The following AKAP6 variants were observed in gnomAD, a reference collection of about 807,000 sequenced individuals.
AKAP6 encodes A-kinase anchoring protein 6, also known as A-kinase anchor protein 6.
A neutral mutation model predicts 188.5 loss-of-function variants in AKAP6; 58 were observed. The observed-to-expected ratio is 0.31, with a 90% confidence interval of 0.25 to 0.38. The LOEUF is 0.38. AKAP6 is among the 10% of genes least tolerant of loss of function. The pLI, the probability that AKAP6 is intolerant of heterozygous loss-of-function variation, is 1.00. For synonymous variants in AKAP6, 989 were observed against 998.6 expected, an observed-to-expected ratio of 0.99 and a Z score of 0.18; for missense variants, 2,710 against 2,740.0, an observed-to-expected ratio of 0.99 and a Z score of 0.24.
chr14:32,396,672 C>T (rs1249467924), intron 1 of AKAP6, among the ~76,000 whole-genome samples: 1 of 152,102 alleles, frequency 6.6e-6, no homozygotes, highest in Non-Finnish European at 1.5e-5. Flanking sequence ...CTCTCTTTCT[C>T]TGGAGGCTTT....
chr14:32,470,483 C>T (rs960691497), intron 2 of AKAP6, among the ~76,000 whole-genome samples: 1 of 152,162 alleles, frequency 6.6e-6, no homozygotes, highest in Non-Finnish European at 1.5e-5. Context: ...TGTATCACTG[C>T]TGTCGTTAGG....
At chr14:32,363,866 C>T (rs528910948) in intron 1 of AKAP6, among the ~76,000 whole-genome samples, 2 of 152,332 alleles carry the variant, frequency 1.3e-5, no homozygotes, top group African/African-American at 4.8e-5. Flanking sequence ...TGAGCTTCAA[C>T]TAAAAAGGCG....
chr14:32,685,563 A>T (rs1889881891), intron 8 of AKAP6, among the ~76,000 whole-genome samples: 1 of 151,890 alleles, frequency 6.6e-6, no homozygotes, highest in Admixed American at 6.6e-5. Flanking sequence ...TCTCTACTAA[A>T]CATACAAAAA....
At chr14:32,696,615 A>G (rs189519639) in intron 9 of AKAP6, among the ~76,000 whole-genome samples, 200 of 152,310 alleles carry the variant, frequency 1.3e-3, no homozygotes, top group African/African-American at 4.4e-3. Flanking sequence ...TTAAGTCAAT[A>G]CATTTCCATG....
intron 12 of AKAP6, among the ~76,000 whole-genome samples, chr14:32,775,733 A>T (rs1470222337): frequency 1.3e-5 from 2 of 152,044 alleles, no homozygotes; most frequent in African/African-American, 2.4e-5. Flanking sequence ...TCAGCCTTTT[A>T]TTCTACTTCT....
chr14:32,700,354 A>G (rs937117586), intron 9 of AKAP6, among the ~76,000 whole-genome samples: 3 of 152,180 alleles, frequency 2.0e-5, no homozygotes, highest in African/African-American at 7.2e-5. Context: ...CAAGGGCCAA[A>G]TTCAGAAGTT....
intron 2 of AKAP6, among the ~76,000 whole-genome samples, chr14:32,455,899 C>G (rs1891130539): frequency 6.6e-6 from 1 of 152,116 alleles, no homozygotes; most frequent in African/African-American, 2.4e-5. Context: ...ATGCATCTGC[C>G]TAGATAAATG....
chr14:32,767,498 T>C (rs1359026784), intron 11 of AKAP6, among the ~76,000 whole-genome samples: 1 of 152,314 alleles, frequency 6.6e-6, no homozygotes, highest in Admixed American at 6.5e-5. Flanking sequence ...TGCTCACTGC[T>C]ATATCCCCAC....
chr14:32,400,311 A>G (rs576682885), intron 1 of AKAP6, among the ~76,000 whole-genome samples: 2 of 151,364 alleles, frequency 1.3e-5, no homozygotes, highest in Non-Finnish European at 2.9e-5. Flanking sequence ...TCTCAGTTTT[A>G]TCACCCTACC....
intron 4 of AKAP6, among the ~76,000 whole-genome samples, chr14:32,560,141 C>T (rs904792560): frequency 1.3e-5 from 2 of 151,810 alleles, no homozygotes; most frequent in African/African-American, 4.8e-5. Context: ...TGAATGGGGC[C>T]CAAATCCAGT....
intron 9 of AKAP6, among the ~76,000 whole-genome samples, chr14:32,730,704 A>G (rs2031133568): frequency 6.6e-6 from 1 of 152,168 alleles, no homozygotes. Flanking sequence ...TGCCTGCCTG[A>G]AATACTGGTT....
chr14:32,728,878 G>A (rs72669826), intron 9 of AKAP6, among the ~76,000 whole-genome samples: 2,335 of 152,194 alleles, frequency 0.015, 33 homozygotes, highest in Non-Finnish European at 0.025. Context: ...GGAGCTTTGG[G>A]GGCAAGGTTC....
At chr14:32,811,613 G>T (rs1418063397) in intron 12 of AKAP6, among the ~76,000 whole-genome samples, 1 of 152,164 alleles carries the variant, frequency 6.6e-6, no homozygotes, top group African/African-American at 2.4e-5. Flanking sequence ...TCACGTATGG[G>T]ATCTGATACT....
chr14:32,715,648 A>G (rs541483403), intron 9 of AKAP6, among the ~76,000 whole-genome samples: 2 of 151,976 alleles, frequency 1.3e-5, no homozygotes, highest in Non-Finnish European at 2.9e-5. Flanking sequence ...GATCTAGGAA[A>G]TAGCTTGGCA....
At chr14:32,544,268 A>G (rs17099234) in intron 3 of AKAP6, among the ~76,000 whole-genome samples, 5,255 of 152,238 alleles carry the variant, frequency 0.035, 286 homozygotes, top group African/African-American at 0.12. Context: ...GCTAGGTTAG[A>G]TCAGTCTGTT....
At chr14:32,809,735 T>C (rs1200584965) in intron 12 of AKAP6, among the ~76,000 whole-genome samples, 1 of 152,064 alleles carries the variant, frequency 6.6e-6, no homozygotes, top group Non-Finnish European at 1.5e-5. Flanking sequence ...GAGAAAAAAA[T>C]AAAGCCTTTG....
chr14:32,539,192 G>T (rs1245061005), intron 3 of AKAP6, among the ~76,000 whole-genome samples: 2 of 152,156 alleles, frequency 1.3e-5, no homozygotes, highest in East Asian at 1.9e-4. Flanking sequence ...GAGAATTGGG[G>T]TCAAGAGAGG....
rs189245980 is a variant in AKAP6, at chr14:32,382,127, T to C, written c.-34-51333T>C. Among the ~76,000 whole-genome samples, 350 of 152,314 alleles carry C rather than the reference T, an allele frequency of 2.3e-3. 1 individual carries two copies. The highest frequency in any genetic ancestry group is 8.1e-3 in the African/African-American group (337 of 41,570). On this transcript the variant is annotated intron_variant, in intron 1 of 13. Transcript: ENST00000280979. ...TAGCAGGTCCTTAGCAAACATTGGTTTCCCTTTCTGTCTTTTCTTTTTGCT... is the reference window on the plus strand; with the variant it reads ...TAGCAGGTCCTTAGCAAACATTGGTCTCCCTTTCTGTCTTTTCTTTTTGCT...
At chr14:32,692,799 T>C (rs1890235946) in intron 8 of AKAP6, among the ~76,000 whole-genome samples, 2 of 152,204 alleles carry the variant, frequency 1.3e-5, no homozygotes, top group Non-Finnish European at 2.9e-5. Flanking sequence ...TTTTCAGTGG[T>C]GCACATGTAT....
Sources: gnomAD v4.1 joint callset for allele counts (sites outside exome capture counted in the v4.1 genomes callset) on GRCh38, gnomAD v4.1.1 for gene constraint, MANE v1.5 for transcripts, NCBI Gene and HGNC (gene_info 2026-07-23, HGNC 2026-07-21) for gene names.